Variants in PIK3AP1 observed in about 807,000 individuals in gnomAD.
PIK3AP1 encodes phosphoinositide 3-kinase adapter protein 1.
Under a neutral mutation model 88.1 loss-of-function variants are expected in PIK3AP1, and 21 were observed. The ratio of observed to expected loss-of-function variants is 0.24; its 90% confidence interval spans 0.17 to 0.34. The LOEUF is 0.34. Ranked by LOEUF, PIK3AP1 falls within the 10% of genes least tolerant of loss-of-function variation. The pLI, the probability that PIK3AP1 is intolerant of heterozygous loss-of-function variation, is 1.00. For missense variants in PIK3AP1, 828 were observed against 1,035.7 expected (o/e 0.80, Z 2.75); for synonymous variants, 398 against 400.0 (o/e 1.00, Z 0.06).
chr10:96,643,568 C>T (rs1252265346), intron 8 of PIK3AP1, among the ~76,000 whole-genome samples: 2 of 152,140 alleles, frequency 1.3e-5, no homozygotes, highest in South Asian at 2.1e-4. Flanking sequence ...AGTTAGGTGA[C>T]GGAGAGGAGC....
At chr10:96,710,740 T>C (rs780743350) in intron 1 of PIK3AP1, among the ~76,000 whole-genome samples, 113 of 152,332 alleles carry the variant, frequency 7.4e-4, no homozygotes, top group Non-Finnish European at 1.3e-3. Flanking sequence ...CTTTAGAAGG[T>C]AGGTACTATT....
chr10:96,660,112 T>TA (rs1173615171), intron 2 of PIK3AP1, among the ~76,000 whole-genome samples: 1 of 152,108 alleles, frequency 6.6e-6, no homozygotes, highest in African/African-American at 2.4e-5. Flanking sequence ...TATGGGATTT[T>TA]AAAAAGCATT....
At chr10:96,699,569 C>T (rs1021586074) in intron 2 of PIK3AP1, among the ~76,000 whole-genome samples, 2 of 152,166 alleles carry the variant, frequency 1.3e-5, no homozygotes, top group African/African-American at 4.8e-5. Context: ...TGAATGTAGA[C>T]ACCATCACAG....
intron 2 of PIK3AP1, among the ~76,000 whole-genome samples, chr10:96,700,647 T>A (rs760559843): frequency 2.0e-5 from 3 of 152,078 alleles, no homozygotes; most frequent in Non-Finnish European, 2.9e-5. Flanking sequence ...GCAGAGTGGC[T>A]TAACCCACAG....
chr10:96,635,144 T>C (rs1843296171), intron 8 of PIK3AP1, among the ~76,000 whole-genome samples: 1 of 152,228 alleles, frequency 6.6e-6, no homozygotes, highest in African/African-American at 2.4e-5. Flanking sequence ...TCTGTAATCT[T>C]AATTCTCCTT....
chr10:96,615,853 G>A (rs1849206629), intron 13 of PIK3AP1, among the ~76,000 whole-genome samples: 1 of 152,194 alleles, frequency 6.6e-6, no homozygotes, highest in Non-Finnish European at 1.5e-5. Flanking sequence ...GATGGCAGCT[G>A]GAGAGAGACC....
chr10:96,689,918 G>C (rs935208061), intron 2 of PIK3AP1, among the ~76,000 whole-genome samples: 1 of 152,128 alleles, frequency 6.6e-6, no homozygotes, highest in South Asian at 2.1e-4. Context: ...CAGCAGCCAC[G>C]TGCCCAGGAT....
intron 8 of PIK3AP1, among the ~76,000 whole-genome samples, chr10:96,638,010 C>T (rs1407275673): frequency 1.3e-5 from 2 of 152,136 alleles, no homozygotes; most frequent in Non-Finnish European, 2.9e-5. Flanking sequence ...GGGCTACGTA[C>T]TTTGGACTTC....
intron 11 of PIK3AP1, 50 bp downstream of exon 11, chr10:96,623,422 A>T: frequency 1.3e-6 from 2 of 1,501,390 alleles, no homozygotes; most frequent in Non-Finnish European, 1.9e-6. Flanking sequence ...TCACTGACCT[A>T]TGAACACTTC....
intron 8 of PIK3AP1, among the ~76,000 whole-genome samples, chr10:96,637,314 T>TCACTCTCA (rs35300133): frequency 7.8e-6 from 1 of 127,998 alleles, no homozygotes; most frequent in East Asian, 2.3e-4. Context: ...AGATATACAA[T>TCACTCTCA]CACACACACA....
chr10:96,661,824 G>A (rs1589522846), intron 2 of PIK3AP1, among the ~76,000 whole-genome samples: 2 of 144,752 alleles, frequency 1.4e-5, no homozygotes, highest in South Asian at 4.4e-4. Flanking sequence ...GGACAGGACA[G>A]GACAGGAAAG....
chr10:96,696,121 T>G (rs560951772), intron 2 of PIK3AP1, among the ~76,000 whole-genome samples: 1 of 152,286 alleles, frequency 6.6e-6, no homozygotes, highest in Admixed American at 6.5e-5. Context: ...AAATGGATAA[T>G]AACTCATGAA....
At chr10:96,628,883 T>TACAG (rs1564961177) in intron 8 of PIK3AP1, among the ~76,000 whole-genome samples, 3 of 12,792 alleles carry the variant, frequency 2.3e-4, no homozygotes, top group African/African-American at 1.1e-3. Flanking sequence ...CACATATATA[T>TACAG]ATATACATAT....
At chr10:96,700,532 T>C (rs1337400972) in intron 2 of PIK3AP1, among the ~76,000 whole-genome samples, 2 of 152,162 alleles carry the variant, frequency 1.3e-5, no homozygotes, top group Non-Finnish European at 2.9e-5. Context: ...CTATCCCAGC[T>C]GGGTATCTTC....
At chr10:96,610,160 A>G (rs1436328171) in intron 13 of PIK3AP1, among the ~76,000 whole-genome samples, 1 of 152,158 alleles carries the variant, frequency 6.6e-6, no homozygotes, top group East Asian at 1.9e-4. Context: ...AGAACAAACC[A>G]TAAGAGAAAG....
intron 2 of PIK3AP1, among the ~76,000 whole-genome samples, chr10:96,678,260 C>A (rs191816229): frequency 9.4e-4 from 143 of 152,176 alleles, no homozygotes; most frequent in African/African-American, 3.3e-3. Flanking sequence ...ATGATGAAAC[C>A]CCGTCTCTAC....
chr10:96,620,239 G>T, intron 12 of PIK3AP1, 113 bp downstream of exon 12: 1 of 1,109,098 alleles, frequency 9.0e-7, no homozygotes, highest in Non-Finnish European at 1.3e-6. Flanking sequence ...ACATTCGCAG[G>T]CACAGCCACA....
At chr10:96,703,695 G>T (rs926407249) in intron 2 of PIK3AP1, among the ~76,000 whole-genome samples, 1 of 152,156 alleles carries the variant, frequency 6.6e-6, no homozygotes, top group African/African-American at 2.4e-5. Context: ...AGTCCAAAAA[G>T]TCAGATCAAT....
chr10:96,675,740 T>A (rs1454702997), intron 2 of PIK3AP1, among the ~76,000 whole-genome samples: 1 of 152,218 alleles, frequency 6.6e-6, no homozygotes, highest in African/African-American at 2.4e-5. Context: ...ACTGTTATTG[T>A]TGAACACTGT....
Sources: allele counts gnomAD v4.1 joint callset (sites outside exome capture counted in the v4.1 genomes callset), GRCh38; gene constraint gnomAD v4.1.1; transcripts MANE v1.5; gene names NCBI Gene and HGNC (gene_info 2026-07-23, HGNC 2026-07-21).